PHACTR1: variants seen among roughly 807,000 people sequenced by gnomAD.
PHACTR1 encodes phosphatase and actin regulator 1, also known as RPEL repeat containing 1.
A neutral mutation model predicts 69.2 loss-of-function variants in PHACTR1; 16 were observed. The observed-to-expected ratio is 0.23, with a 90% CI of 0.16 to 0.35. The LOEUF is 0.35. Among genes scored for constraint, PHACTR1 ranks in the 10% least tolerant of loss-of-function variants. The pLI is 1.00. For synonymous variants in PHACTR1, 312 were observed against 284.5 expected, an observed-to-expected ratio of 1.10 and a Z score of -0.97; for missense variants, 510 against 734.7, an observed-to-expected ratio of 0.69 and a Z score of 3.54.
intron 4 of PHACTR1, among the ~76,000 whole-genome samples, chr6:12,938,637 T>C (rs1414336588): frequency 6.6e-6 from 1 of 152,168 alleles, no homozygotes; most frequent in Non-Finnish European, 1.5e-5. Flanking sequence ...TATACACCCA[T>C]GAAACCATCA....
intron 3 of PHACTR1, among the ~76,000 whole-genome samples, chr6:12,726,340 G>A (rs1458835081): frequency 6.6e-6 from 1 of 152,170 alleles, no homozygotes; most frequent in East Asian, 1.9e-4. Context: ...TTACTACGGT[G>A]AGCTTAATTG....
At chr6:12,872,471 T>C (rs142290343) in intron 4 of PHACTR1, among the ~76,000 whole-genome samples, 38 of 152,126 alleles carry the variant, frequency 2.5e-4, no homozygotes, top group African/African-American at 8.7e-4. Flanking sequence ...TACATGCAAA[T>C]ATACACCTGC....
intron 3 of PHACTR1, among the ~76,000 whole-genome samples, chr6:12,727,449 T>G (rs1411636923): frequency 6.6e-6 from 1 of 152,198 alleles, no homozygotes; most frequent in African/African-American, 2.4e-5. Flanking sequence ...AGCAAGGATC[T>G]GCTTTGCCAT....
intron 10 of PHACTR1, among the ~76,000 whole-genome samples, chr6:13,250,882 GA>G (rs1220719841): frequency 1.1e-4 from 16 of 152,342 alleles, no homozygotes; most frequent in African/African-American, 3.8e-4. Flanking sequence ...GATGTGGCAA[GA>G]GCTCTGGCAA....
rs1373318033 is a variant in PHACTR1 at position 13,246,279 on chromosome 6, A to G, written c.1391+16086A>G. On this transcript the variant is annotated intron_variant, in intron 10 of 14. Coordinates refer to ENST00000332995, the MANE Select transcript of PHACTR1 (RefSeq NM_030948.6). This position sits in a 1 kb window ranked among gnomAD's most constrained non-coding sequence, Gnocchi z 4.2. Reference sequence around the variant, plus strand: ...CTTTAAAAAACATATTCAGTTATCAAAAGGCCCATGTAAAAGGAATCCTTG... The same window carrying G: ...CTTTAAAAAACATATTCAGTTATCAGAAGGCCCATGTAAAAGGAATCCTTG... Among the ~76,000 whole-genome samples the G allele has an allele frequency of 6.6e-6, 1 of 152,224 alleles. No homozygotes were observed. The highest frequency in any genetic ancestry group is 2.4e-5 in the African/African-American group (1 of 41,444).
intron 12 of PHACTR1, chr6:13,279,188 T>C (rs1779624394): frequency 6.6e-6 from 1 of 152,188 alleles, no homozygotes; most frequent in South Asian, 2.1e-4. Context: ...TTTAATATAG[T>C]CTTAACCCCA....
chr6:12,772,350 T>C (rs999331015), intron 4 of PHACTR1, among the ~76,000 whole-genome samples: 1 of 152,224 alleles, frequency 6.6e-6, no homozygotes, highest in Non-Finnish European at 1.5e-5. Flanking sequence ...CAATTCCAAA[T>C]GTAATTTCTT....
In PHACTR1 at chr6:12,948,306, A is replaced by G. The variant is rs75265914; in HGVS notation, c.251-105059A>G. Among the ~76,000 whole-genome samples the G allele has an allele frequency of 5.2e-3, 785 of 152,280 alleles. 5 individuals carry two copies. Among genetic ancestry groups the G allele is most frequent in the African/African-American group, 0.018 (740 of 41,554 alleles). ...CATGACATTAACATAAAAGCTGAGA[A>G]ATATAGTTGGGTTGAAGGGAAAATG... On this transcript the variant is annotated intron_variant, in intron 4 of 14. Transcript: ENST00000332995.
At chr6:12,976,052 G>A (rs1238685396) in intron 4 of PHACTR1, among the ~76,000 whole-genome samples, 2 of 152,170 alleles carry the variant, frequency 1.3e-5, no homozygotes, top group African/African-American at 4.8e-5. Context: ...TTATTTCTGA[G>A]AACTCAACTT....
intron 4 of PHACTR1, among the ~76,000 whole-genome samples, chr6:12,764,927 G>A (rs930639718): frequency 6.6e-6 from 1 of 152,032 alleles, no homozygotes; most frequent in Non-Finnish European, 1.5e-5. Flanking sequence ...AGAAAAGTGT[G>A]GATTGGAGGC....
chr6:12,874,989 A>G (rs1782394319), intron 4 of PHACTR1, among the ~76,000 whole-genome samples: 1 of 152,228 alleles, frequency 6.6e-6, no homozygotes, highest in Non-Finnish European at 1.5e-5. Flanking sequence ...TGGTATTCAA[A>G]TGTGTTTATT....
In PHACTR1 at chr6:12,735,527, T is replaced by G. The variant is rs1414623246; in HGVS notation, c.104-14117T>G. ...CATAGCTCATACACCTAAACAGTTTTTGTTAATATGTCTCACATCATCAAG... is the reference window on the plus strand; with the variant it reads ...CATAGCTCATACACCTAAACAGTTTGTGTTAATATGTCTCACATCATCAAG... On this transcript the variant is annotated intron_variant, in intron 3 of 14. Coordinates refer to ENST00000332995, the MANE Select transcript of PHACTR1 (RefSeq NM_030948.6). Among the ~76,000 whole-genome samples the G allele has an allele frequency of 2.0e-5, 3 of 152,222 alleles. No homozygotes were observed. The East Asian group carries it at 5.8e-4, about 29-fold the overall frequency.
intron 4 of PHACTR1, among the ~76,000 whole-genome samples, chr6:12,751,008 G>C (rs1581585349): frequency 6.6e-6 from 1 of 152,216 alleles, no homozygotes; most frequent in South Asian, 2.1e-4. Context: ...GTGCGTGCGC[G>C]TGCATGGTGC....
intron 3 of PHACTR1, among the ~76,000 whole-genome samples, chr6:12,728,338 A>T (rs1763060903): frequency 6.6e-6 from 1 of 151,832 alleles, no homozygotes; most frequent in Non-Finnish European, 1.5e-5. Flanking sequence ...AGAAGAATAA[A>T]ATCAACCCTA....
intron 4 of PHACTR1, among the ~76,000 whole-genome samples, chr6:12,902,934 T>C (rs1785353100): frequency 6.6e-6 from 1 of 152,218 alleles, no homozygotes. Context: ...TGACACCATT[T>C]GTCGAGACCC....
chr6:12,969,276 T>C (rs28552461), intron 4 of PHACTR1, among the ~76,000 whole-genome samples: 1 of 152,200 alleles, frequency 6.6e-6, no homozygotes, highest in Admixed American at 6.5e-5. Context: ...TCGCTGAGTA[T>C]TGGATTGCAG....
intron 4 of PHACTR1, among the ~76,000 whole-genome samples, chr6:12,861,946 A>C (rs1460127857): frequency 6.6e-6 from 1 of 152,238 alleles, no homozygotes; most frequent in African/African-American, 2.4e-5. Context: ...GTAAAGTACC[A>C]TGTATGTATT....
intron 3 of PHACTR1, among the ~76,000 whole-genome samples, chr6:12,744,884 ATTTT>A (rs533931301): frequency 6.6e-6 from 1 of 151,530 alleles, no homozygotes; most frequent in East Asian, 1.9e-4. Flanking sequence ...TATCTCTGGA[ATTTT>A]TTTTTACTTG....
chr6:12,741,307 A>G lies in PHACTR1; in HGVS notation c.104-8337A>G, dbSNP rs1398420381. On this transcript the variant is annotated intron_variant, in intron 3 of 14. Coordinates refer to ENST00000332995, the MANE Select transcript of PHACTR1 (RefSeq NM_030948.6). The stretch of plus-strand genomic sequence containing the variant: ...GCTTAAAAATTTTTTGAAGGTCATA[A>G]AAATATTCTTTTATGAAAAATTTTT... 4.6e-5 allele frequency among the ~76,000 whole-genome samples: 7 copies of G among 152,012 alleles called. No homozygotes were observed. In the South Asian group the frequency reaches 8.3e-4, roughly 18 times the overall value.
Sources: gnomAD v4.1 joint callset for allele counts (sites outside exome capture counted in the v4.1 genomes callset) on GRCh38, gnomAD v4.1.1 for gene constraint, Gnocchi (gnomAD v3.1) non-coding constraint, MANE v1.5 for transcripts, NCBI Gene and HGNC (gene_info 2026-07-23, HGNC 2026-07-21) for gene names.